NPAS3: variants seen among roughly 807,000 people sequenced by gnomAD.
NPAS3 encodes the protein neuronal PAS domain-containing protein 3.
A neutral mutation model predicts 73.1 loss-of-function variants in NPAS3; 14 were observed. That is an observed-to-expected ratio of 0.19 (90% confidence interval 0.13 to 0.30). The LOEUF is 0.30. NPAS3 is among the 10% of genes least tolerant of loss of function. The pLI, the probability that NPAS3 is intolerant of heterozygous loss-of-function variation, is 1.00. For missense variants in NPAS3, 1,096 were observed against 1,250.0 expected, an observed-to-expected ratio of 0.88 and a Z score of 1.86; for synonymous variants, 620 against 541.5, an observed-to-expected ratio of 1.14 and a Z score of -2.01.
At chr14:33,775,750 G>C (rs957406071) in intron 8 of NPAS3, among the ~76,000 whole-genome samples, 3 of 152,170 alleles carry the variant, frequency 2.0e-5, no homozygotes, top group Non-Finnish European at 2.9e-5. Flanking sequence ...GACATCGTGG[G>C]TATGTCTGAG....
chr14:33,498,347 T>C (rs1187568156), intron 4 of NPAS3, among the ~76,000 whole-genome samples: 3 of 152,180 alleles, frequency 2.0e-5, no homozygotes, highest in Admixed American at 2.0e-4. Context: ...ACTGGGTATA[T>C]ACCCAAAGGC....
At chr14:33,115,640 A>T (rs564329785) in intron 2 of NPAS3, among the ~76,000 whole-genome samples, 1 of 152,200 alleles carries the variant, frequency 6.6e-6, no homozygotes, top group Non-Finnish European at 1.5e-5. Flanking sequence ...GAAATCATCC[A>T]TATGTGTTAC....
chr14:33,368,419 G>C (rs563304130), intron 4 of NPAS3, among the ~76,000 whole-genome samples: 1 of 152,124 alleles, frequency 6.6e-6, no homozygotes, highest in East Asian at 1.9e-4. Flanking sequence ...CTCATAGGAT[G>C]CATTCTTGGG....
intron 1 of NPAS3, among the ~76,000 whole-genome samples, chr14:32,954,832 A>G (rs1315194630): frequency 6.6e-6 from 1 of 152,184 alleles, no homozygotes; most frequent in Non-Finnish European, 1.5e-5. Flanking sequence ...TATAACATAA[A>G]TAGGTTGACC....
intron 6 of NPAS3, among the ~76,000 whole-genome samples, chr14:33,692,893 G>A (rs527572482): frequency 2.3e-5 from 3 of 130,650 alleles, no homozygotes; most frequent in African/African-American, 2.8e-5. Flanking sequence ...AGACTTTATC[G>A]TAGCAAAATA....
At chr14:32,982,790 C>T (rs1037261993) in intron 1 of NPAS3, among the ~76,000 whole-genome samples, 7 of 152,160 alleles carry the variant, frequency 4.6e-5, no homozygotes, top group Non-Finnish European at 7.3e-5. Context: ...GAAGGTAAAA[C>T]CCGTATCACT....
chr14:33,376,083 T>A (rs2046301169), intron 4 of NPAS3, among the ~76,000 whole-genome samples: 1 of 152,176 alleles, frequency 6.6e-6, no homozygotes, highest in Admixed American at 6.5e-5. Context: ...AATGCATGTT[T>A]TACCAAAATC....
intron 3 of NPAS3, among the ~76,000 whole-genome samples, chr14:33,266,826 G>A (rs2040838444): frequency 6.6e-6 from 1 of 152,132 alleles, no homozygotes; most frequent in Non-Finnish European, 1.5e-5. Flanking sequence ...ACAGATATTT[G>A]TATTCCTATC....
chr14:33,670,486 G>T (rs1422899259), intron 5 of NPAS3, among the ~76,000 whole-genome samples: 1 of 152,166 alleles, frequency 6.6e-6, no homozygotes, highest in Non-Finnish European at 1.5e-5. Context: ...GTGGAGTTCT[G>T]CAATATGTAG....
chr14:33,204,284 A>G (rs55884004), intron 2 of NPAS3, among the ~76,000 whole-genome samples: 17,331 of 152,208 alleles, frequency 0.11, 1,303 homozygotes, highest in East Asian at 0.33. Context: ...ACATAAAAAC[A>G]TTTAGGCTCT....
At chr14:33,418,383 A>G (rs999406729) in intron 4 of NPAS3, among the ~76,000 whole-genome samples, 1 of 151,996 alleles carries the variant, frequency 6.6e-6, no homozygotes, top group African/African-American at 2.4e-5. Flanking sequence ...GAAGCCTCCC[A>G]GGCTTGTATG....
At chr14:33,029,109 G>C (rs1222503917) in intron 1 of NPAS3, among the ~76,000 whole-genome samples, 2 of 152,158 alleles carry the variant, frequency 1.3e-5, no homozygotes, top group African/African-American at 4.8e-5. Flanking sequence ...GCCTGGAGTG[G>C]GGGAAGAACA....
chr14:33,342,187 G>C (rs2076402792), intron 3 of NPAS3, among the ~76,000 whole-genome samples: 2 of 152,166 alleles, frequency 1.3e-5, no homozygotes, highest in Admixed American at 1.3e-4. Flanking sequence ...AAAACAGTTT[G>C]GAGAAAGAGC....
At chr14:33,433,959 G>A (rs1436185292) in intron 4 of NPAS3, among the ~76,000 whole-genome samples, 7 of 152,170 alleles carry the variant, frequency 4.6e-5, no homozygotes, top group African/African-American at 1.4e-4. Flanking sequence ...AGGAGGCCGA[G>A]GTGGGCGGAT....
chr14:33,708,582 C>T (rs1028351175), intron 6 of NPAS3, among the ~76,000 whole-genome samples: 1 of 152,076 alleles, frequency 6.6e-6, no homozygotes, highest in Non-Finnish European at 1.5e-5. Context: ...AGGCTTTATT[C>T]AGAGTCTTAA....
chr14:33,556,084 C>CA (rs900072661), intron 4 of NPAS3, among the ~76,000 whole-genome samples: 42 of 151,586 alleles, frequency 2.8e-4, no homozygotes, highest in South Asian at 1.3e-3. Flanking sequence ...CTGTTTTTGC[C>CA]AAAAAAAACT....
At chr14:33,092,394 A>G (rs919410393) in intron 2 of NPAS3, among the ~76,000 whole-genome samples, 1 of 152,228 alleles carries the variant, frequency 6.6e-6, no homozygotes, top group African/African-American at 2.4e-5. Context: ...TAAAATACCT[A>G]GGAATCCAAC....
intron 1 of NPAS3, among the ~76,000 whole-genome samples, chr14:32,977,360 A>G (rs72676704): frequency 1.0e-4 from 6 of 60,222 alleles, no homozygotes; most frequent in Non-Finnish European, 3.2e-4. Context: ...TGACACGCAC[A>G]CACACACACA....
At chr14:33,268,586 T>G (rs1024270199) in intron 3 of NPAS3, among the ~76,000 whole-genome samples, 7 of 152,170 alleles carry the variant, frequency 4.6e-5, no homozygotes, top group African/African-American at 1.7e-4. Flanking sequence ...GGTTTGCAGA[T>G]TTGCTTCATG....
Sources: gnomAD v4.1 joint callset for allele counts (sites outside exome capture counted in the v4.1 genomes callset) on GRCh38, gnomAD v4.1.1 for gene constraint, MANE v1.5 for transcripts, NCBI Gene and HGNC (gene_info 2026-07-23, HGNC 2026-07-21) for gene names.